The following GLMN variants were observed in gnomAD, a reference collection of about 807,000 sequenced individuals.
The protein encoded by GLMN is glomulin.
A neutral mutation model predicts 87.8 loss-of-function variants in GLMN; 75 were observed. The observed-to-expected ratio is 0.85, with a 90% confidence interval of 0.71 to 1.04. The LOEUF (loss-of-function observed/expected upper bound fraction) is 1.04, where lower values mean the gene tolerates loss of function less well. Ranked by LOEUF, GLMN falls within the 50% of genes least tolerant of loss-of-function variation. The pLI is 0.00. For missense variants in GLMN, 588 were observed against 658.8 expected (o/e 0.89, Z 1.18); for synonymous variants, 206 against 221.6 (o/e 0.93, Z 0.63).
chr1:92,356,409 A>G, the GLMN span, among the ~76,000 whole-genome samples: 35 of 151,932 alleles, frequency 2.3e-4, 1 homozygote, highest in East Asian at 6.0e-3. Flanking sequence ...CTGGAATAAC[A>G]TTTTCCTTTT....
At chr1:92,255,368 C>T (rs114512286) in intron 16 of GLMN, among the ~76,000 whole-genome samples, 159 of 152,190 alleles carry the variant, frequency 1.0e-3, no homozygotes, top group Admixed American at 2.6e-3. Context: ...AAATTAACAA[C>T]GATATTCAGG....
chr1:92,271,712 G>C, intron 7 of GLMN, 60 bp from the exon 8 acceptor site: 1 of 1,143,912 alleles, frequency 8.7e-7, no homozygotes. Flanking sequence ...CCCCCACCCC[G>C]TGTATTCAAA....
chr1:92,290,395 A>G, intron 4 of GLMN, 89 bp from the exon 5 acceptor site: 2 of 771,494 alleles, frequency 2.6e-6, no homozygotes, highest in Non-Finnish European at 4.6e-6. Context: ...TGTATCGACA[A>G]AATATTATAC....
At chr1:92,337,649 A>G in the GLMN span, among the ~76,000 whole-genome samples, 1 of 152,124 alleles carries the variant, frequency 6.6e-6, no homozygotes, top group African/African-American at 2.4e-5. Flanking sequence ...TGTACTTGGG[A>G]TATCTCAGTT....
intron 7 of GLMN, among the ~76,000 whole-genome samples, chr1:92,275,884 T>A (rs1380379256): frequency 6.6e-6 from 1 of 150,644 alleles, no homozygotes; most frequent in Non-Finnish European, 1.5e-5. Flanking sequence ...TCCTGAGCCC[T>A]TTTCTCTTGT....
chr1:92,259,728 CTTTCT>C (rs1469090019), intron 16 of GLMN, among the ~76,000 whole-genome samples: 8 of 111,180 alleles, frequency 7.2e-5, no homozygotes. Context: ...TCTTTTTTTT[CTTTCT>C]TTTTTTTTTT....
the GLMN span, among the ~76,000 whole-genome samples, chr1:92,357,116 C>CAT: frequency 6.6e-6 from 1 of 150,696 alleles, no homozygotes. Flanking sequence ...CACACACACA[C>CAT]ACACAAACAG....
chr1:92,358,655 G>A, the GLMN span, among the ~76,000 whole-genome samples: 5 of 151,932 alleles, frequency 3.3e-5, no homozygotes, highest in South Asian at 6.3e-4. Context: ...TGGCACAGTC[G>A]CAGCTCACTA....
At chr1:92,336,437 T>A in the GLMN span, 2 of 1,517,972 alleles carry the variant, frequency 1.3e-6, no homozygotes, top group Non-Finnish European at 9.1e-7. Context: ...GGTTAGTGTT[T>A]ATATTACAAT....
At chr1:92,319,372 G>A in the GLMN span, among the ~76,000 whole-genome samples, 3 of 152,186 alleles carry the variant, frequency 2.0e-5, no homozygotes, top group African/African-American at 7.2e-5. Context: ...TCTGTACTCA[G>A]TTTCCTTATC....
chr1:92,320,677 TA>T, the GLMN span: 1 of 1,517,446 alleles, frequency 6.6e-7, no homozygotes, highest in East Asian at 2.3e-5. Flanking sequence ...ATATTTATGT[TA>T]ATAGAAACAT....
intron 16 of GLMN, among the ~76,000 whole-genome samples, chr1:92,253,021 A>T (rs1308495424): frequency 1.3e-5 from 2 of 152,222 alleles, no homozygotes; most frequent in Non-Finnish European, 2.9e-5. Flanking sequence ...ATGGTAATGA[A>T]GAAATAAAAA....
the GLMN span, among the ~76,000 whole-genome samples, chr1:92,312,992 A>G: frequency 6.6e-6 from 1 of 152,042 alleles, no homozygotes; most frequent in African/African-American, 2.4e-5. Flanking sequence ...CAGCCTCCCA[A>G]GTAGCTGGGA....
chr1:92,365,336 A>G, the GLMN span, among the ~76,000 whole-genome samples: 1 of 152,222 alleles, frequency 6.6e-6, no homozygotes, highest in African/African-American at 2.4e-5. Flanking sequence ...ACTTTAACAC[A>G]GCTTCACATC....
the GLMN span, among the ~76,000 whole-genome samples, chr1:92,351,616 G>C: frequency 2.6e-5 from 4 of 152,034 alleles, no homozygotes; most frequent in Non-Finnish European, 5.9e-5. Flanking sequence ...TGTGACCTCT[G>C]TCAGTATATT....
chr1:92,329,845 G>A, the GLMN span, among the ~76,000 whole-genome samples: 1 of 152,146 alleles, frequency 6.6e-6, no homozygotes, highest in Non-Finnish European at 1.5e-5. Flanking sequence ...AGTGACATTA[G>A]CGTATGAATT....
At chr1:92,361,943 A>G in the GLMN span, among the ~76,000 whole-genome samples, 2 of 152,174 alleles carry the variant, frequency 1.3e-5, no homozygotes, top group African/African-American at 2.4e-5. Context: ...TATTTATCTG[A>G]TGCATCACAG....
chr1:92,347,412 T>G, the GLMN span, among the ~76,000 whole-genome samples: 1 of 152,192 alleles, frequency 6.6e-6, no homozygotes, highest in African/African-American at 2.4e-5. Flanking sequence ...GTTCTGCAAT[T>G]CATTATACTA....
the GLMN span, among the ~76,000 whole-genome samples, chr1:92,359,663 T>A: frequency 2.6e-5 from 4 of 152,248 alleles, no homozygotes; most frequent in Non-Finnish European, 5.9e-5. Context: ...TGAGACTTCC[T>A]GTTCAATTTA....
Sources: gnomAD v4.1 joint callset for allele counts (sites outside exome capture counted in the v4.1 genomes callset) on GRCh38, gnomAD v4.1.1 for gene constraint, MANE v1.5 for transcripts, NCBI Gene and HGNC (gene_info 2026-07-23, HGNC 2026-07-21) for gene names.